Variants in HMG20A observed in about 807,000 individuals in gnomAD.
HMG20A encodes high mobility group 20A.
A neutral mutation model predicts 43.9 loss-of-function variants in HMG20A; 17 were observed. The ratio of observed to expected loss-of-function variants is 0.39; its 90% CI spans 0.27 to 0.58. The LOEUF is 0.58. Among genes scored for constraint, HMG20A ranks in the 20% least tolerant of loss-of-function variants. HMG20A has a pLI of 0.59. For synonymous variants in HMG20A, 132 were observed against 147.5 expected, an observed-to-expected ratio of 0.89 and a Z score of 0.76; for missense variants, 341 against 438.2, an observed-to-expected ratio of 0.78 and a Z score of 1.98.
chr15:77,466,987 A>C lies in HMG20A; in HGVS notation c.238-108A>C. ...TTTGAATATCCAGGGCCAAATTGCA[A>C]CTCTTAATCCTGTTTTGTTTGTTGT... On this transcript the variant is annotated intron_variant, in intron 3 of 9. Coordinates refer to ENST00000336216, the MANE Select transcript of HMG20A (RefSeq NM_001304504.2). 5.6e-6 allele frequency: 5 copies of C among 897,158 alleles called. No individual in the cohort carries two copies. In the South Asian group the frequency reaches 8.6e-5, roughly 15 times the overall value. 55.6% of individuals were successfully genotyped at this position (897,158 alleles called of 1,614,324 possible).
At chr15:77,461,552 G>C (rs1490731009) in intron 2 of HMG20A, among the ~76,000 whole-genome samples, 1 of 152,152 alleles carries the variant, frequency 6.6e-6, no homozygotes, top group Non-Finnish European at 1.5e-5. Flanking sequence ...CTTTAGCTAG[G>C]AACATGGATA....
At chr15:77,464,096 TG>T in intron 2 of HMG20A, 143 bp from the exon 3 acceptor site, 1 of 901,488 alleles carries the variant, frequency 1.1e-6, no homozygotes, top group Non-Finnish European at 1.6e-6. Flanking sequence ...GTAACGTCTG[TG>T]AATACGTTGT....
chr15:77,447,983 A>G (rs953547156), intron 1 of HMG20A, among the ~76,000 whole-genome samples: 8 of 152,358 alleles, frequency 5.3e-5, no homozygotes, highest in African/African-American at 1.7e-4. Context: ...TTACAAGACT[A>G]CAGTTAAAGT....
intron 8 of HMG20A, among the ~76,000 whole-genome samples, chr15:77,478,897 A>G (rs140919842): frequency 6.6e-5 from 10 of 152,338 alleles, no homozygotes; most frequent in African/African-American, 1.9e-4. Context: ...TATTTCTTAT[A>G]TACTCTTTCA....
At chr15:77,509,281 CAG>C in the HMG20A span, among the ~76,000 whole-genome samples, 1 of 151,682 alleles carries the variant, frequency 6.6e-6, no homozygotes, top group South Asian at 2.1e-4. Flanking sequence ...TTTTTTGAGA[CAG>C]GGTCTCGCTC....
intron 2 of HMG20A, among the ~76,000 whole-genome samples, chr15:77,460,574 T>C (rs1029013357): frequency 4.6e-5 from 7 of 152,188 alleles, no homozygotes; most frequent in Non-Finnish European, 7.3e-5. Context: ...TTGGGACTTA[T>C]CAGCATATAA....
chr15:77,459,111 A>C (rs1262219059), intron 2 of HMG20A, among the ~76,000 whole-genome samples: 1 of 152,220 alleles, frequency 6.6e-6, no homozygotes, highest in Non-Finnish European at 1.5e-5. Context: ...TAATAGACTG[A>C]AGTGCTAGCT....
chr15:77,464,032 A>T (rs1372742811), intron 2 of HMG20A, among the ~76,000 whole-genome samples: 1 of 152,244 alleles, frequency 6.6e-6, no homozygotes, highest in Non-Finnish European at 1.5e-5. Context: ...AGATGTCTTC[A>T]TGGAACTGAC....
At chr15:77,496,383 G>A in the HMG20A span, among the ~76,000 whole-genome samples, 79 of 152,312 alleles carry the variant, frequency 5.2e-4, no homozygotes, top group African/African-American at 1.6e-3. Flanking sequence ...AGAAGTCTAG[G>A]AAGCAGCCTC....
intron 1 of HMG20A, among the ~76,000 whole-genome samples, chr15:77,433,541 C>A (rs1312672101): frequency 6.6e-6 from 1 of 152,114 alleles, no homozygotes; most frequent in African/African-American, 2.4e-5. Flanking sequence ...ATTTACAGAG[C>A]AATCTCTTTC....
At chr15:77,448,451 G>A (rs1487738375) in intron 1 of HMG20A, among the ~76,000 whole-genome samples, 1 of 152,004 alleles carries the variant, frequency 6.6e-6, no homozygotes, top group Non-Finnish European at 1.5e-5. Flanking sequence ...ATCTCCTTCT[G>A]GTCTTTTCCT....
downstream of HMG20A, among the ~76,000 whole-genome samples, chr15:77,489,867 A>G (rs2072963678): frequency 6.6e-6 from 1 of 152,256 alleles, no homozygotes; most frequent in South Asian, 2.1e-4. Flanking sequence ...AAGGCAGGCA[A>G]TAGCAAGATC....
rs762472420 is a variant in HMG20A, at chr15:77,464,386, A to C, written c.236A>C (p.Glu79Ala). Residue 79 changes from glutamate (E) to alanine (A), a missense_variant and splice_region_variant, in exon 3 of 10, where the codon GAG becomes GCG. By Grantham distance (107) the Glu-to-Ala change is moderately radical. Coordinates refer to ENST00000336216, the MANE Select transcript of HMG20A (RefSeq NM_001304504.2). The part of the protein sequence containing the change: ...AEGNEQRHED[E>A]QRSKRGGWSK... Reference sequence around the variant, plus strand: ...GGCAATGAACAGAGGCATGAAGATGAGGTAAGCTGAAGTATCTCCTTCTGT... The same window carrying C: ...GGCAATGAACAGAGGCATGAAGATGCGGTAAGCTGAAGTATCTCCTTCTGT... The C allele has an allele frequency of 2.5e-6, 4 of 1,613,234 alleles. No individual in the cohort carries two copies. The highest frequency in any genetic ancestry group is 3.4e-6 in the Non-Finnish European group (4 of 1,179,410).
At chr15:77,429,201 A>T (rs2142271166) in intron 1 of HMG20A, among the ~76,000 whole-genome samples, 1 of 152,006 alleles carries the variant, frequency 6.6e-6, no homozygotes, top group South Asian at 2.1e-4. Context: ...ATAATAATTT[A>T]ATATGGTGGG....
chr15:77,423,499 A>G (rs1169054465), intron 1 of HMG20A, among the ~76,000 whole-genome samples: 2 of 152,142 alleles, frequency 1.3e-5, no homozygotes, highest in Non-Finnish European at 2.9e-5. Flanking sequence ...TGAATTTGAG[A>G]TTTCATTCCA....
the HMG20A span, among the ~76,000 whole-genome samples, chr15:77,499,750 C>A: frequency 6.6e-6 from 1 of 152,188 alleles, no homozygotes; most frequent in African/African-American, 2.4e-5. Flanking sequence ...CTCTTAACTC[C>A]CCTCCACCAG....
the HMG20A span, among the ~76,000 whole-genome samples, chr15:77,508,640 C>T: frequency 1.3e-5 from 2 of 152,134 alleles, no homozygotes; most frequent in African/African-American, 2.4e-5. Flanking sequence ...CACTGAAGTC[C>T]CTAAGAGGTA....
At chr15:77,440,688 T>C (rs1299342516) in intron 1 of HMG20A, among the ~76,000 whole-genome samples, 1 of 152,168 alleles carries the variant, frequency 6.6e-6, no homozygotes, top group African/African-American at 2.4e-5. Flanking sequence ...ACATGGCAAA[T>C]TGCTTATAGA....
intron 4 of HMG20A, 147 bp downstream of exon 4, chr15:77,467,454 A>G: frequency 1.5e-6 from 1 of 662,548 alleles, no homozygotes; most frequent in Admixed American, 2.8e-5. Context: ...CATCATAGCA[A>G]TTTTCTCTAG....
Sources: allele counts gnomAD v4.1 joint callset (sites outside exome capture counted in the v4.1 genomes callset), GRCh38; gene constraint gnomAD v4.1.1; transcripts MANE v1.5; gene names NCBI Gene and HGNC (gene_info 2026-07-23, HGNC 2026-07-21).